Variants in MTMR8 observed in about 807,000 individuals in gnomAD.
The protein encoded by MTMR8 is myotubularin related protein 8.
A neutral mutation model predicts 39.3 loss-of-function variants in MTMR8; 65 were observed. The observed-to-expected ratio is 1.65, with a 90% CI of 1.35 to 2.03. The LOEUF (loss-of-function observed/expected upper bound fraction) is 2.03, where lower values mean the gene tolerates loss of function less well. Ranked by LOEUF, MTMR8 falls within the 30% of genes most tolerant of loss-of-function variation. MTMR8 has a pLI of 0.00. For synonymous variants in MTMR8, 245 were observed against 185.2 expected (o/e 1.32, Z -2.62); for missense variants, 777 against 538.9 (o/e 1.44, Z -4.37).
intron 12 of MTMR8, among the ~76,000 whole-genome samples, chrX:64,277,466 C>T (rs1931902288): frequency 9.0e-6 from 1 of 111,709 alleles, no homozygotes; most frequent in African/African-American, 3.3e-5. Flanking sequence ...TCAGCATTTG[C>T]TTGTCTGTAA....
intron 12 of MTMR8, among the ~76,000 whole-genome samples, chrX:64,273,804 G>A (rs1336856358): frequency 1.2e-4 from 13 of 111,311 alleles, no homozygotes; most frequent in Admixed American, 9.6e-4. Flanking sequence ...AAGCAGGTGT[G>A]GCAATAGTAA....
At position 64,285,708 on chromosome X, in the gene MTMR8, C is replaced by T. The variant is rs369755933; in HGVS notation, c.1482-14635G>A. On this transcript the variant is annotated intron_variant, in intron 12 of 13. Transcript: ENST00000374852. Reference sequence around the variant, plus strand: ...GCTCAACTACATGGAAACTGAACAACCTGCTCCTGAATGACTACTGGGTAC... The same window carrying T: ...GCTCAACTACATGGAAACTGAACAATCTGCTCCTGAATGACTACTGGGTAC... Among the ~76,000 whole-genome samples, 44 of 111,850 alleles carry T rather than the reference C, an allele frequency of 3.9e-4. No homozygotes were observed. The South Asian group carries it at 0.016, about 39-fold the overall frequency.
chrX:64,390,711 G>T (rs1005746710), intron 1 of MTMR8, among the ~76,000 whole-genome samples: 1 of 111,113 alleles, frequency 9.0e-6, no homozygotes, highest in Non-Finnish European at 1.9e-5. Flanking sequence ...GAGTGAAGTG[G>T]CACTATCAGA....
intron 1 of MTMR8, among the ~76,000 whole-genome samples, chrX:64,385,842 A>G (rs1004115615): frequency 3.6e-5 from 4 of 111,605 alleles, no homozygotes; most frequent in Non-Finnish European, 7.5e-5. Context: ...GGGGACTACA[A>G]TTCAACTTGA....
In MTMR8 at chrX:64,364,696, C is replaced by T. The variant is rs898818918; in HGVS notation, c.25-5169G>A. ...AAGCTAAAAATTCTAAAAACCAGAG[C>T]GCCTCTTCTCCTCCAAAGGACTGCA... On this transcript the variant is annotated intron_variant, in intron 1 of 13. Coordinates refer to ENST00000374852, the MANE Select transcript of MTMR8 (RefSeq NM_017677.4). Among the ~76,000 whole-genome samples, 7 of 111,556 alleles carry T rather than the reference C, an allele frequency of 6.3e-5. No individual in the cohort carries two copies. The South Asian group carries it at 1.1e-3, about 18-fold the overall frequency.
chrX:64,370,955 C>A (rs1465839078), intron 1 of MTMR8, among the ~76,000 whole-genome samples: 1 of 111,580 alleles, frequency 9.0e-6, no homozygotes, highest in East Asian at 2.8e-4. Flanking sequence ...GAGTTCAACA[C>A]TATCCTGGGC....
At chrX:64,343,306 T>G (rs1923264299) in intron 8 of MTMR8, among the ~76,000 whole-genome samples, 1 of 111,885 alleles carries the variant, frequency 8.9e-6, no homozygotes, top group African/African-American at 3.2e-5. Flanking sequence ...TGAGGTTCAT[T>G]TTCTGTATGT....
chrX:64,287,172 A>C (rs1921213461), intron 12 of MTMR8, among the ~76,000 whole-genome samples: 1 of 111,449 alleles, frequency 9.0e-6, no homozygotes, highest in South Asian at 3.7e-4. Flanking sequence ...CACCAATAAC[A>C]AACAAACAGA....
chrX:64,305,704 C>A, intron 12 of MTMR8: 1 of 523,197 alleles, frequency 1.9e-6, no homozygotes, highest in Non-Finnish European at 3.6e-6. Flanking sequence ...TAAGAGAGGG[C>A]CCAGTCTGTA....
At position 64,306,027 on chromosome X, in the gene MTMR8, G is replaced by T. The variant is rs1922102500; in HGVS notation, c.1481+22745C>A. 2.1e-5 allele frequency: 4 copies of T among 191,871 alleles called. No homozygotes were observed. In the South Asian group the frequency reaches 3.6e-4, roughly 17 times the overall value. 15.8% of individuals were successfully genotyped at this position (191,871 alleles called of 1,213,427 possible). A position where few individuals can be genotyped will look rare whatever the true frequency, so the allele number is the denominator to read the frequency against. Reference sequence around the variant, plus strand: ...GCTACTCGGGAGGCTAAGGCAGGATGATTTCTTGAGCTCCAGAGGTTGAGG... The same window carrying T: ...GCTACTCGGGAGGCTAAGGCAGGATTATTTCTTGAGCTCCAGAGGTTGAGG... On this transcript the variant is annotated intron_variant, in intron 12 of 13. Coordinates refer to ENST00000374852, the MANE Select transcript of MTMR8 (RefSeq NM_017677.4).
Position 64,357,827 on chromosome X carries a change from C to T in MTMR8, c.148-1489G>A, listed in dbSNP as rs191938299. Among the ~76,000 whole-genome samples, 240 of 111,599 alleles carry T rather than the reference C, an allele frequency of 2.2e-3. 1 individual carries two copies. Among genetic ancestry groups the T allele is most frequent in the African/African-American group, 7.3e-3 (224 of 30,712 alleles). On this transcript the variant is annotated intron_variant, in intron 2 of 13. Coordinates refer to ENST00000374852, the MANE Select transcript of MTMR8 (RefSeq NM_017677.4). The stretch of plus-strand genomic sequence containing the variant: ...AACCTCAAGAAAATCAAAGATCTTC[C>T]AGTCAACATGAGAGATGTGTGTTTT...
chrX:64,374,316 A>G (rs1204601405), intron 1 of MTMR8, among the ~76,000 whole-genome samples: 1 of 111,963 alleles, frequency 8.9e-6, no homozygotes, highest in Non-Finnish European at 1.9e-5. Context: ...TCTTTCTTTA[A>G]TTCAAGATTC....
intron 4 of MTMR8, among the ~76,000 whole-genome samples, chrX:64,351,180 T>C (rs976481510): frequency 3.6e-5 from 4 of 110,700 alleles, no homozygotes; most frequent in African/African-American, 6.6e-5. Flanking sequence ...CAGACCTTCT[T>C]TGGGAGACTC....
chrX:64,291,832 C>A (rs1034745802), intron 12 of MTMR8, among the ~76,000 whole-genome samples: 1 of 111,715 alleles, frequency 9.0e-6, no homozygotes, highest in Non-Finnish European at 1.9e-5. Context: ...TGAGCCTGGA[C>A]AAGTGGTAGT....
chrX:64,326,115 A>G (rs1922784300), intron 12 of MTMR8, among the ~76,000 whole-genome samples: 1 of 111,868 alleles, frequency 8.9e-6, no homozygotes, highest in Non-Finnish European at 1.9e-5. Context: ...TACATCTACT[A>G]TTAATTAAGG....
intron 7 of MTMR8, 44 bp downstream of exon 7, chrX:64,345,001 G>T: frequency 8.4e-7 from 1 of 1,187,352 alleles, no homozygotes; most frequent in Non-Finnish European, 1.1e-6. Context: ...ACATGATAAC[G>T]CAAAGCTATG....
intron 5 of MTMR8, among the ~76,000 whole-genome samples, 192 bp from the exon 6 acceptor site, chrX:64,348,986 A>G (rs774062324): frequency 1.5e-4 from 17 of 111,868 alleles, no homozygotes; most frequent in African/African-American, 4.9e-4. Context: ...TACCCTGGGC[A>G]TGTGGCTCTA....
At chrX:64,271,162 G>A (rs932292653) in intron 12 of MTMR8, 89 bp from the exon 13 acceptor site, 11 of 955,298 alleles carry the variant, frequency 1.2e-5, no homozygotes, top group African/African-American at 2.0e-5. Context: ...GAAAATATTG[G>A]CTTAGTAGGT....
intron 12 of MTMR8, among the ~76,000 whole-genome samples, chrX:64,326,788 T>C (rs1222598243): frequency 5.4e-5 from 6 of 110,799 alleles, no homozygotes; most frequent in Non-Finnish European, 1.9e-5. Flanking sequence ...GATATCACTC[T>C]ATCTGACTTC....
Sources: gnomAD v4.1 joint callset for allele counts (sites outside exome capture counted in the v4.1 genomes callset) on GRCh38, gnomAD v4.1.1 for gene constraint, MANE v1.5 for transcripts, NCBI Gene and HGNC (gene_info 2026-07-23, HGNC 2026-07-21) for gene names.